Variants in QPCTL observed in about 807,000 individuals in gnomAD.
QPCTL encodes glutaminyl-peptide cyclotransferase like, also known as glutaminyl-peptide cyclotransferase-like protein.
Under a neutral mutation model 34.6 loss-of-function variants are expected in QPCTL, and 31 were observed. That is an observed-to-expected ratio of 0.90 (90% confidence interval 0.67 to 1.21). QPCTL has a LOEUF of 1.21. QPCTL is among the 50% of genes most tolerant of loss of function. The pLI, the probability that QPCTL is intolerant of heterozygous loss-of-function variation, is 0.00. For missense variants in QPCTL, 474 were observed against 507.8 expected (o/e 0.93, Z 0.64); for synonymous variants, 223 against 226.9 (o/e 0.98, Z 0.15).
chr19:45,693,469 G>C lies in QPCTL; in HGVS notation c.264G>C (p.Leu88=), dbSNP rs201747768. Residue 88 remains leucine, a synonymous_variant, in exon 2 of 7, where the codon CTG becomes CTC. Coordinates refer to ENST00000012049, the MANE Select transcript of QPCTL (RefSeq NM_017659.4). ...GGCTGCGGAGGGTGGTGGGACAACT[G>C]GATCCACAGCGTCTCTGGAGCACTT... The part of the protein sequence containing the change: ...EARLRRVVGQ[L]DPQRLWSTYL... 1 of 1,613,300 alleles carries C rather than the reference G, an allele frequency of 6.2e-7. No homozygotes were observed. Among genetic ancestry groups the C allele is most frequent in the South Asian group, 1.1e-5 (1 of 90,930 alleles).
At chr19:45,696,194 C>G (rs190900389) in intron 3 of QPCTL, among the ~76,000 whole-genome samples, 47 of 152,230 alleles carry the variant, frequency 3.1e-4, no homozygotes, top group Admixed American at 1.2e-3. Flanking sequence ...CCCCTCACCT[C>G]TTGCTCACTC....
At chr19:45,699,029 A>ATATTTT in intron 5 of QPCTL, 129 bp downstream of exon 5, 1 of 508,444 alleles carries the variant, frequency 2.0e-6, no homozygotes. Context: ...GGGAGACCCC[A>ATATTTT]TCTTTTTTTT....
rs2146129232 is a variant in QPCTL at position 45,698,542 on chromosome 19, C to T, written c.634-5C>T. ...GCTCTGGCCACCCCCCTGCTGCTCC[C>T]ACAGGCAGCCCCGGTGACCCTGCAA... On this transcript the variant is annotated splice_polypyrimidine_tract_variant and splice_region_variant and intron_variant, in intron 3 of 6. Coordinates refer to ENST00000012049, the MANE Select transcript of QPCTL (RefSeq NM_017659.4). 3 of 1,613,810 alleles carry T rather than the reference C, an allele frequency of 1.9e-6. No homozygotes were observed. The highest frequency in any genetic ancestry group is 1.1e-5 in the South Asian group (1 of 91,070).
At chr19:45,696,786 C>T (rs541685132) in intron 3 of QPCTL, among the ~76,000 whole-genome samples, 43 of 151,950 alleles carry the variant, frequency 2.8e-4, no homozygotes, top group African/African-American at 9.7e-4. Flanking sequence ...CTGGCTGGCT[C>T]CCACTCTTCA....
At chr19:45,698,420 C>T in intron 3 of QPCTL, 127 bp from the exon 4 acceptor site, 1 of 1,168,854 alleles carries the variant, frequency 8.6e-7, no homozygotes, top group Non-Finnish European at 1.2e-6. Context: ...CTCTTGGCTA[C>T]CACGTTCTAT....
intron 5 of QPCTL, among the ~76,000 whole-genome samples, chr19:45,701,567 C>A (rs545973086): frequency 9.2e-5 from 14 of 152,114 alleles, no homozygotes; most frequent in African/African-American, 3.4e-4. Flanking sequence ...TGAGCCACCA[C>A]ACCAGGCCAC....
At position 45,698,920 on chromosome 19, in the gene QPCTL, TGGGCCCCAGCCCACCTGGGGTATG is replaced by T; in HGVS notation, c.886+24_886+47del. The T allele has an allele frequency of 6.2e-7, 1 of 1,605,840 alleles. No individual in the cohort carries two copies. The highest frequency in any genetic ancestry group is 8.5e-7 in the Non-Finnish European group (1 of 1,173,612). On this transcript the variant is annotated intron_variant, in intron 5 of 6. Transcript: ENST00000012049. ...GCATTGGTAAGGGTGAATGCGGAGG[TGGGCCCCAGCCCACCTGGGGTATG>T]GGGTACAGGGCGGTGGGCTGGGGTA...
intron 3 of QPCTL, 127 bp from the exon 4 acceptor site, chr19:45,698,420 C>A: frequency 8.6e-7 from 1 of 1,168,856 alleles, no homozygotes. Context: ...CTCTTGGCTA[C>A]CACGTTCTAT....
chr19:45,701,277 C>CTT (rs34262469), intron 5 of QPCTL, among the ~76,000 whole-genome samples: 12 of 141,424 alleles, frequency 8.5e-5, no homozygotes, highest in African/African-American at 1.5e-4. Flanking sequence ...AGAGCAAGAT[C>CTT]TTTTTTTTTT....
At chr19:45,701,994 C>A (rs1288579853) in intron 6 of QPCTL, 80 bp downstream of exon 6, 6 of 1,186,246 alleles carry the variant, frequency 5.1e-6, no homozygotes, top group Non-Finnish European at 7.4e-6. Context: ...CTTCCCAGGG[C>A]TGGGGAATGG....
At position 45,703,106 on chromosome 19, in the gene QPCTL, C is replaced by T. The variant is rs1373386157; in HGVS notation, c.*57C>T. On this transcript the variant is annotated 3_prime_UTR_variant, in exon 7 of 7. Transcript: ENST00000012049. ...TGAGAGAGAAGGTCCCAGCGGGGGC[C>T]AGTGAAGCTCAGGCAGGATCTGCCT... 6.3e-7 allele frequency: 1 copy of T among 1,599,232 alleles called. No individual in the cohort carries two copies.
intron 3 of QPCTL, 60 bp downstream of exon 3, chr19:45,695,778 C>CTGGA: frequency 6.7e-7 from 1 of 1,485,340 alleles, no homozygotes; most frequent in Non-Finnish European, 9.0e-7. Flanking sequence ...AAGCCCCCAC[C>CTGGA]CTCCCTTGCC....
chr19:45,699,327 G>C (rs1037242752), intron 5 of QPCTL, among the ~76,000 whole-genome samples: 1 of 151,480 alleles, frequency 6.6e-6, no homozygotes, highest in African/African-American at 2.4e-5. Context: ...CACCGTGCCT[G>C]GTGACCCCAT....
chr19:45,696,104 C>T (rs1967689847), intron 3 of QPCTL, among the ~76,000 whole-genome samples: 3 of 152,004 alleles, frequency 2.0e-5, no homozygotes, highest in African/African-American at 7.2e-5. Context: ...CCAGGGCTCC[C>T]GCCTCATTCC....
At chr19:45,698,274 A>C (rs1283159843) in intron 3 of QPCTL, among the ~76,000 whole-genome samples, 3 of 151,896 alleles carry the variant, frequency 2.0e-5, no homozygotes, top group African/African-American at 4.8e-5. Context: ...CAAAAAAAAA[A>C]CAAAAAACCT....
intron 3 of QPCTL, among the ~76,000 whole-genome samples, chr19:45,696,928 G>C (rs1347545009): frequency 6.6e-6 from 1 of 151,096 alleles, no homozygotes; most frequent in African/African-American, 2.4e-5. Flanking sequence ...TTCGAGCCCA[G>C]CTTGTCCAAC....
intron 3 of QPCTL, among the ~76,000 whole-genome samples, chr19:45,696,213 C>T (rs1260452290): frequency 1.3e-5 from 2 of 152,058 alleles, no homozygotes; most frequent in Non-Finnish European, 2.9e-5. Flanking sequence ...TCTGCTGTAG[C>T]CACCCCCACC....
intron 3 of QPCTL, chr19:45,698,342 C>T: frequency 1.7e-6 from 1 of 578,712 alleles, no homozygotes; most frequent in Non-Finnish European, 3.0e-6. Flanking sequence ...AGTAACTTCC[C>T]CATGCCTGCT....
Position 45,693,414 on chromosome 19 carries a change from TC to T in QPCTL, c.212del (p.Pro71HisfsTer2). On this transcript the variant is annotated frameshift_variant and splice_region_variant, in exon 2 of 7. Coordinates refer to ENST00000012049, the MANE Select transcript of QPCTL (RefSeq NM_017659.4). LOFTEE classifies it high-confidence loss of function. ...EELPLGRELR[V>X]PLIGSLPEAR... is the part of the protein sequence containing the mutation. ...TCCCTATCCCACCTCCTTCCCAAGG[TC>T]CCATTGATCGGAAGCCTCCCCGAAG... The T allele has an allele frequency of 6.2e-7, 1 of 1,609,530 alleles. No individual in the cohort carries two copies.
Sources: allele counts gnomAD v4.1 joint callset (sites outside exome capture counted in the v4.1 genomes callset), GRCh38; gene constraint gnomAD v4.1.1; transcripts MANE v1.5; gene names NCBI Gene and HGNC (gene_info 2026-07-23, HGNC 2026-07-21).